Variants in PIK3R3 observed in about 807,000 individuals in gnomAD.
PIK3R3 encodes phosphoinositide-3-kinase regulatory subunit 3, also known as phosphatidylinositol 3-kinase regulatory subunit gamma.
A neutral mutation model predicts 62.9 loss-of-function variants in PIK3R3; 64 were observed. The ratio of observed to expected loss-of-function variants is 1.02; its 90% CI spans 0.83 to 1.25. The LOEUF is 1.25. Ranked by LOEUF, PIK3R3 falls within the 50% of genes most tolerant of loss-of-function variation. The pLI, the probability that PIK3R3 is intolerant of heterozygous loss-of-function variation, is 0.00. For missense variants in PIK3R3, 614 were observed against 561.6 expected, an observed-to-expected ratio of 1.09 and a Z score of -0.94; for synonymous variants, 165 against 189.0, an observed-to-expected ratio of 0.87 and a Z score of 1.04.
At chr1:46,083,203 A>G (rs1028157639) in intron 1 of PIK3R3, among the ~76,000 whole-genome samples, 1 of 152,236 alleles carries the variant, frequency 6.6e-6, no homozygotes, top group African/African-American at 2.4e-5. Context: ...AGATATCCAC[A>G]TGCAAAAAGA....
the PIK3R3 span, among the ~76,000 whole-genome samples, chr1:46,154,635 T>C: frequency 2.0e-5 from 3 of 152,120 alleles, no homozygotes; most frequent in Admixed American, 6.5e-5. Flanking sequence ...AAATGAGGAA[T>C]AGAGATAAGT....
chr1:46,158,489 C>G, the PIK3R3 span, among the ~76,000 whole-genome samples: 1 of 152,350 alleles, frequency 6.6e-6, no homozygotes, highest in Non-Finnish European at 1.5e-5. Flanking sequence ...CATGAGCTCA[C>G]CTCTGAACTC....
chr1:46,137,977 G>A (rs1183320458), upstream of PIK3R3, among the ~76,000 whole-genome samples: 1 of 152,202 alleles, frequency 6.6e-6, no homozygotes, highest in African/African-American at 2.4e-5. Flanking sequence ...GGCAGACAAT[G>A]ACCTTTCCCT....
chr1:46,071,730 T>TATATATATAG (rs1163343399), intron 3 of PIK3R3, among the ~76,000 whole-genome samples: 5 of 59,064 alleles, frequency 8.5e-5, no homozygotes, highest in African/African-American at 1.6e-4. Flanking sequence ...TATATATATA[T>TATATATATAG]AGAGAGAGAG....
intron 1 of PIK3R3, among the ~76,000 whole-genome samples, chr1:46,084,692 G>A (rs1461730422): frequency 2.6e-5 from 4 of 152,144 alleles, no homozygotes; most frequent in Admixed American, 2.6e-4. Context: ...CAAAGACAAG[G>A]TGTTCCCTGC....
At chr1:46,080,002 AAAGTATT>A (rs1650428950) in intron 2 of PIK3R3, among the ~76,000 whole-genome samples, 1 of 151,858 alleles carries the variant, frequency 6.6e-6, no homozygotes, top group Non-Finnish European at 1.5e-5. Context: ...CATGGGAAGA[AAAGTATT>A]AAGACACTAA....
the PIK3R3 span, among the ~76,000 whole-genome samples, chr1:46,166,258 C>G: frequency 1.2e-4 from 18 of 151,302 alleles, no homozygotes; most frequent in African/African-American, 3.7e-4. Flanking sequence ...GAGTCTCGCT[C>G]TGTCGCCCAG....
At chr1:46,082,671 T>C (rs1340901592) in intron 1 of PIK3R3, among the ~76,000 whole-genome samples, 1 of 152,228 alleles carries the variant, frequency 6.6e-6, no homozygotes, top group Non-Finnish European at 1.5e-5. Flanking sequence ...ACTGTACTTG[T>C]AACTTTTTTG....
In PIK3R3 at chr1:46,043,637, A is replaced by C. The variant is rs757395955; in HGVS notation, c.*36T>G. 1 of 1,581,126 alleles carries C rather than the reference A, an allele frequency of 6.3e-7. No homozygotes were observed. The highest frequency in any genetic ancestry group is 1.1e-5 in the South Asian group (1 of 90,234). The stretch of plus-strand genomic sequence containing the variant: ...GTAGTCTAATAAAAACTGTAGAAAA[A>C]AATGCCAGAGAACCACCTCTCTTCC... On this transcript the variant is annotated 3_prime_UTR_variant, in exon 10 of 10. Transcript: ENST00000262741.
intron 1 of PIK3R3, among the ~76,000 whole-genome samples, chr1:46,087,593 T>C (rs1043541040): frequency 6.2e-5 from 1 of 16,078 alleles, no homozygotes; most frequent in African/African-American, 1.7e-4. Context: ...CATATTCATC[T>C]TTTTTTTTTT....
the PIK3R3 span, among the ~76,000 whole-genome samples, chr1:46,161,314 TCTCAAA>T: frequency 6.7e-6 from 1 of 150,186 alleles, no homozygotes; most frequent in Non-Finnish European, 1.5e-5. Context: ...CCTAGGCTGG[TCTCAAA>T]CTCCTGGCCT....
intron 3 of PIK3R3, among the ~76,000 whole-genome samples, chr1:46,071,807 C>T (rs1424887363): frequency 2.0e-5 from 3 of 148,442 alleles, no homozygotes; most frequent in African/African-American, 7.5e-5. Context: ...CAGTGGTTCT[C>T]CCCACCTACC....
the PIK3R3 span, among the ~76,000 whole-genome samples, chr1:46,156,761 G>A: frequency 6.6e-6 from 1 of 152,236 alleles, no homozygotes; most frequent in East Asian, 1.9e-4. Context: ...CTCTGGCCCT[G>A]GTACTGCAGT....
At chr1:46,147,567 A>G in the PIK3R3 span, among the ~76,000 whole-genome samples, 843 of 152,060 alleles carry the variant, frequency 5.5e-3, 6 homozygotes, top group Admixed American at 9.7e-3. Flanking sequence ...ACAGGCGCCC[A>G]CCACCACGCC....
At chr1:46,158,655 C>T in the PIK3R3 span, among the ~76,000 whole-genome samples, 1 of 152,166 alleles carries the variant, frequency 6.6e-6, no homozygotes, top group Non-Finnish European at 1.5e-5. Context: ...CATTTAGTGA[C>T]TGATTAACAA....
chr1:46,127,789 G>A (rs544627696), intron 1 of PIK3R3, among the ~76,000 whole-genome samples: 1 of 152,246 alleles, frequency 6.6e-6, no homozygotes, highest in South Asian at 2.1e-4. Flanking sequence ...TAGACCTCCT[G>A]GCCTCAAACG....
chr1:46,163,178 T>G, the PIK3R3 span, among the ~76,000 whole-genome samples: 6 of 152,226 alleles, frequency 3.9e-5, no homozygotes, highest in Admixed American at 2.0e-4. Flanking sequence ...CTTCCCTCAA[T>G]TATCCACAGA....
the PIK3R3 span, among the ~76,000 whole-genome samples, chr1:46,164,849 T>C: frequency 2.6e-5 from 4 of 152,222 alleles, no homozygotes; most frequent in South Asian, 4.2e-4. Flanking sequence ...CATCCCTTTT[T>C]TTGAGATGGG....
chr1:46,152,596 T>A, the PIK3R3 span, among the ~76,000 whole-genome samples: 1 of 139,408 alleles, frequency 7.2e-6, no homozygotes, highest in South Asian at 2.4e-4. Flanking sequence ...GGAGTCTCAC[T>A]CTGTCGCCCA....
Sources: gnomAD v4.1 joint callset for allele counts (sites outside exome capture counted in the v4.1 genomes callset) on GRCh38, gnomAD v4.1.1 for gene constraint, MANE v1.5 for transcripts, NCBI Gene and HGNC (gene_info 2026-07-23, HGNC 2026-07-21) for gene names.